HTRA1: variants seen among roughly 807,000 people sequenced by gnomAD.
HTRA1 encodes serine protease HTRA1.
Under a neutral mutation model 49.7 loss-of-function variants are expected in HTRA1, and 26 were observed. That is an observed-to-expected ratio of 0.52 (90% CI 0.38 to 0.73). The LOEUF (loss-of-function observed/expected upper bound fraction) is 0.73, where lower values mean the gene tolerates loss of function less well. HTRA1 is among the 30% of genes least tolerant of loss of function. The pLI, the probability that HTRA1 is intolerant of heterozygous loss-of-function variation, is 0.00. For synonymous variants in HTRA1, 291 were observed against 286.9 expected, an observed-to-expected ratio of 1.01 and a Z score of -0.14; for missense variants, 561 against 667.2, an observed-to-expected ratio of 0.84 and a Z score of 1.75.
intron 7 of HTRA1, among the ~76,000 whole-genome samples, chr10:122,511,235 A>C (rs1018526428): frequency 6.6e-6 from 1 of 152,218 alleles, no homozygotes; most frequent in Middle Eastern, 3.4e-3. Flanking sequence ...CCTTACTGGG[A>C]TGATCTCATC....
intron 1 of HTRA1, among the ~76,000 whole-genome samples, chr10:122,466,426 CAA>C (rs2097483812): frequency 1.3e-5 from 2 of 152,160 alleles, no homozygotes. Flanking sequence ...TTTGGCCTCC[CAA>C]AGTGCTGGGA....
chr10:122,504,410 C>T (rs2097502187), intron 3 of HTRA1, among the ~76,000 whole-genome samples: 1 of 152,216 alleles, frequency 6.6e-6, no homozygotes, highest in Non-Finnish European at 1.5e-5. Flanking sequence ...AGGATCCCCA[C>T]AGCAAGCCCT....
Position 122,461,726 on chromosome 10 carries a change from C to G in HTRA1, c.74C>G (p.Ser25Cys), listed in dbSNP as rs1354122621. Residue 25 changes from serine (S) to cysteine (C), a missense_variant, in exon 1 of 9, where the codon TCC becomes TGC. Ser to Cys is a moderately radical substitution (Grantham distance 112). Around this residue, in one of 3 missense-constraint regions of HTRA1, gnomAD observed 111 missense variants for 83.7 expected, o/e 1.33. Coordinates refer to ENST00000368984, the MANE Select transcript of HTRA1 (RefSeq NM_002775.5). ...LLAAPASAQL[S>C]RAGRSAPLAA... is the part of the protein sequence containing the mutation. Reference sequence around the variant, plus strand: ...GCGGCGCCCGCCTCGGCGCAGCTGTCCCGGGCCGGCCGCTCGGCGCCTTTG... The same window carrying G: ...GCGGCGCCCGCCTCGGCGCAGCTGTGCCGGGCCGGCCGCTCGGCGCCTTTG... 2.5e-6 allele frequency: 3 copies of G among 1,183,680 alleles called. No individual in the cohort carries two copies. The highest frequency in any genetic ancestry group is 3.2e-6 in the Non-Finnish European group (3 of 946,358). 73.3% of individuals were successfully genotyped at this position (1,183,680 alleles called of 1,614,324 possible). A position where few individuals can be genotyped will look rare whatever the true frequency, so the allele number is the denominator to read the frequency against.
intron 1 of HTRA1, among the ~76,000 whole-genome samples, chr10:122,476,818 G>T (rs1282132051): frequency 6.6e-6 from 1 of 152,158 alleles, no homozygotes; most frequent in African/African-American, 2.4e-5. Context: ...TCTCTGTGAA[G>T]GTGCTGAGCT....
At chr10:122,483,273 T>C (rs1591030232) in intron 1 of HTRA1, among the ~76,000 whole-genome samples, 1 of 152,124 alleles carries the variant, frequency 6.6e-6, no homozygotes, top group East Asian at 1.9e-4. Context: ...ACTAGTAGTT[T>C]ATAAAGAGGA....
intron 3 of HTRA1, among the ~76,000 whole-genome samples, chr10:122,504,950 T>C (rs2097502440): frequency 6.6e-6 from 1 of 152,202 alleles, no homozygotes; most frequent in Admixed American, 6.5e-5. Context: ...GGGCAGACCT[T>C]TACCATGGCT....
At position 122,464,109 on chromosome 10, in the gene HTRA1, A is replaced by G. The variant is rs577298101; in HGVS notation, c.472+1985A>G. Reference sequence around the variant, plus strand: ...GTGGAGAGTTTAGACTACTGCAATAATCTGGGTGTGAGGCGACAACATTGA... The same window carrying G: ...GTGGAGAGTTTAGACTACTGCAATAGTCTGGGTGTGAGGCGACAACATTGA... On this transcript the variant is annotated intron_variant, in intron 1 of 8. Coordinates refer to ENST00000368984, the MANE Select transcript of HTRA1 (RefSeq NM_002775.5). The surrounding 1 kb of genome is among the most constrained non-coding windows in gnomAD (Gnocchi z 4.8). 6.6e-6 allele frequency among the ~76,000 whole-genome samples: 1 copy of G among 152,248 alleles called. No individual in the cohort carries two copies. Among genetic ancestry groups the G allele is most frequent in the African/African-American group, 2.4e-5 (1 of 41,552 alleles).
chr10:122,473,680 T>C (rs899983428), intron 1 of HTRA1, among the ~76,000 whole-genome samples: 2 of 152,124 alleles, frequency 1.3e-5, no homozygotes, highest in African/African-American at 4.8e-5. Flanking sequence ...CACTACCAGC[T>C]CCAGGACACT....
At position 122,506,950 on chromosome 10, in the gene HTRA1, C is replaced by A; in HGVS notation, c.972+65C>A. ...GTTTTGCCAGGGGGAGAGGAGTCAGCATAGGTCTTAGCCCCTGACTTTGTT... is the reference window on the plus strand; with the variant it reads ...GTTTTGCCAGGGGGAGAGGAGTCAGAATAGGTCTTAGCCCCTGACTTTGTT... On this transcript the variant is annotated intron_variant, in intron 4 of 8. Coordinates refer to ENST00000368984, the MANE Select transcript of HTRA1 (RefSeq NM_002775.5). The surrounding 1 kb of genome is among the most constrained non-coding windows in gnomAD (Gnocchi z 5.2). 1 of 1,413,096 alleles carries A rather than the reference C, an allele frequency of 7.1e-7. No individual in the cohort carries two copies. The highest frequency in any genetic ancestry group is 9.9e-7 in the Non-Finnish European group (1 of 1,008,308). 87.5% of individuals were successfully genotyped at this position (1,413,096 alleles called of 1,614,324 possible).
chr10:122,491,727 T>C (rs1365878469), intron 3 of HTRA1, among the ~76,000 whole-genome samples: 4 of 152,230 alleles, frequency 2.6e-5, no homozygotes, highest in Admixed American at 2.0e-4. Flanking sequence ...TGACTCCTGC[T>C]GTCTTGGGAG....
chr10:122,483,345 G>A (rs897583293), intron 1 of HTRA1, among the ~76,000 whole-genome samples: 5 of 152,182 alleles, frequency 3.3e-5, no homozygotes, highest in African/African-American at 1.2e-4. Context: ...TAAAGTTACA[G>A]GAAATGTTGG....
chr10:122,477,417 T>C (rs1221646791), intron 1 of HTRA1, among the ~76,000 whole-genome samples: 1 of 152,218 alleles, frequency 6.6e-6, no homozygotes, highest in Non-Finnish European at 1.5e-5. Flanking sequence ...CACTGGATTC[T>C]GGACCTCCCA....
chr10:122,506,829 G>A lies in HTRA1; in HGVS notation c.916G>A (p.Glu306Lys). 3.7e-6 allele frequency: 6 copies of A among 1,613,866 alleles called. No homozygotes were observed. The highest frequency in any genetic ancestry group is 5.1e-6 in the Non-Finnish European group (6 of 1,180,004). The change falls in exon 4 of 9, where the codon GAG (glutamate) becomes AAG (lysine). Residue 306 changes from glutamate to lysine, a missense_variant. Glu to Lys is a moderately conservative substitution (Grantham distance 56). Transcript: ENST00000368984. The surrounding 1 kb of genome is among the most constrained non-coding windows in gnomAD (Gnocchi z 5.2). ...GAGCACCACCCAGCGAGGCGGCAAA[G>A]AGCTGGGGCTCCGCAACTCAGACAT... The part of the protein sequence containing the change: ...IVSTTQRGGK[E>K]LGLRNSDMDY...
chr10:122,496,628 C>T (rs2097498874), intron 3 of HTRA1, among the ~76,000 whole-genome samples: 1 of 152,058 alleles, frequency 6.6e-6, no homozygotes, highest in East Asian at 1.9e-4. Flanking sequence ...TAGAAGGTAT[C>T]AGGCTGCAAA....
At chr10:122,481,362 C>G (rs570380248) in intron 1 of HTRA1, among the ~76,000 whole-genome samples, 18 of 152,290 alleles carry the variant, frequency 1.2e-4, no homozygotes, top group Admixed American at 1.0e-3. Flanking sequence ...GCCTCTTCCC[C>G]CAAATGCTGG....
At chr10:122,492,572 G>A (rs2097496369) in intron 3 of HTRA1, among the ~76,000 whole-genome samples, 1 of 152,134 alleles carries the variant, frequency 6.6e-6, no homozygotes, top group East Asian at 1.9e-4. Context: ...GACCTCAGGT[G>A]ATCCACCTGC....
At chr10:122,502,890 C>T (rs922225995) in intron 3 of HTRA1, among the ~76,000 whole-genome samples, 8 of 152,228 alleles carry the variant, frequency 5.3e-5, no homozygotes, top group African/African-American at 1.9e-4. Context: ...CTTTTCCCCC[C>T]AGCAGTGTGA....
intron 1 of HTRA1, among the ~76,000 whole-genome samples, chr10:122,474,768 A>T (rs2672591): frequency 0.52 from 79,266 of 151,848 alleles, 21,238 homozygotes; most frequent in African/African-American, 0.63. Flanking sequence ...GAAAAAAAAA[A>T]TGTGCAGTGG....
intron 1 of HTRA1, among the ~76,000 whole-genome samples, chr10:122,482,437 G>A (rs544340152): frequency 2.6e-5 from 4 of 152,260 alleles, no homozygotes; most frequent in Admixed American, 1.3e-4. Context: ...AAGTATCACT[G>A]TATTTCCCTA....
Sources: gnomAD v4.1 joint callset for allele counts (sites outside exome capture counted in the v4.1 genomes callset) on GRCh38, gnomAD v4.1.1 for gene constraint, gnomAD v4.1.1 regional missense constraint, Gnocchi (gnomAD v3.1) non-coding constraint, MANE v1.5 for transcripts, NCBI Gene and HGNC (gene_info 2026-07-23, HGNC 2026-07-21) for gene names.